The following BLTP1 variants were observed in gnomAD, a reference collection of about 807,000 sequenced individuals.
BLTP1 encodes fragile site-associated protein.
the BLTP1 span, among the ~76,000 whole-genome samples, chr4:122,334,013 G>A: frequency 6.6e-6 from 1 of 152,032 alleles, no homozygotes; most frequent in East Asian, 1.9e-4. Context: ...AAGTTTGATG[G>A]AAAGAAGTTC....
the BLTP1 span, chr4:122,356,602 T>C: frequency 6.2e-7 from 1 of 1,607,036 alleles, no homozygotes; most frequent in Non-Finnish European, 8.5e-7. Context: ...TTATTAAATC[T>C]TTTACCATAT....
chr4:122,253,290 G>A, the BLTP1 span, among the ~76,000 whole-genome samples: 1 of 151,948 alleles, frequency 6.6e-6, no homozygotes, highest in Non-Finnish European at 1.5e-5. Context: ...AGCAAACTAC[G>A]ACCTCACCAA....
chr4:122,287,717 T>C, the BLTP1 span: 2 of 985,110 alleles, frequency 2.0e-6, no homozygotes, highest in South Asian at 4.7e-5. Flanking sequence ...TTTACCTTCT[T>C]AGGTCCTGCT....
the BLTP1 span, among the ~76,000 whole-genome samples, chr4:122,216,137 A>ATCTATCTG: frequency 7.0e-6 from 1 of 143,206 alleles, no homozygotes; most frequent in African/African-American, 2.6e-5. Context: ...CTATCTATCT[A>ATCTATCTG]TCTATCTACC....
chr4:122,177,984 C>T, the BLTP1 span: 1 of 344,130 alleles, frequency 2.9e-6, no homozygotes, highest in Non-Finnish European at 4.1e-6. Flanking sequence ...TTGTTCTGTA[C>T]TGTATACTTG....
the BLTP1 span, chr4:122,224,882 T>G: frequency 6.8e-7 from 1 of 1,460,496 alleles, no homozygotes; most frequent in African/African-American, 1.4e-5. Context: ...TATAATTTGT[T>G]GGGTGTAATG....
At chr4:122,179,396 A>C in the BLTP1 span, among the ~76,000 whole-genome samples, 1 of 152,176 alleles carries the variant, frequency 6.6e-6, no homozygotes, top group Non-Finnish European at 1.5e-5. Flanking sequence ...GTTCACCTGC[A>C]TTAATAATAT....
chr4:122,242,021 T>G, the BLTP1 span, among the ~76,000 whole-genome samples: 1 of 152,158 alleles, frequency 6.6e-6, no homozygotes, highest in African/African-American at 2.4e-5. Flanking sequence ...TTGTGCGCTG[T>G]TGGTGGAAAT....
the BLTP1 span, among the ~76,000 whole-genome samples, chr4:122,173,692 C>G: frequency 5.3e-5 from 8 of 152,276 alleles, 1 homozygote; most frequent in East Asian, 1.5e-3. Context: ...TGGAATTTCT[C>G]TCACACAGCA....
At chr4:122,255,533 C>T in the BLTP1 span, among the ~76,000 whole-genome samples, 1 of 152,142 alleles carries the variant, frequency 6.6e-6, no homozygotes, top group Non-Finnish European at 1.5e-5. Context: ...GTAATCCCAG[C>T]TACTTGGGAG....
the BLTP1 span, among the ~76,000 whole-genome samples, chr4:122,354,521 T>C: frequency 5.3e-5 from 8 of 151,842 alleles, no homozygotes; most frequent in Admixed American, 5.3e-4. Context: ...TGTGATAGTG[T>C]GGTCATGATA....
At chr4:122,314,948 CTT>C in the BLTP1 span, among the ~76,000 whole-genome samples, 1,101 of 152,270 alleles carry the variant, frequency 7.2e-3, 9 homozygotes, top group South Asian at 0.03. Flanking sequence ...CACCAAGACT[CTT>C]TGTAGCTCTT....
the BLTP1 span, among the ~76,000 whole-genome samples, chr4:122,356,299 T>C: frequency 3.3e-5 from 5 of 152,164 alleles, no homozygotes; most frequent in African/African-American, 1.2e-4. Flanking sequence ...CCAAAATATT[T>C]TGAACACTGA....
At chr4:122,277,429 G>A in the BLTP1 span, 1 of 981,486 alleles carries the variant, frequency 1.0e-6, no homozygotes, top group Non-Finnish European at 1.2e-6. Context: ...TATCCTATCT[G>A]TGGAATTCCA....
chr4:122,240,601 G>A, the BLTP1 span, among the ~76,000 whole-genome samples: 2 of 152,122 alleles, frequency 1.3e-5, no homozygotes, highest in African/African-American at 4.8e-5. Flanking sequence ...TTCTGTGTCT[G>A]CATTATACTC....
chr4:122,180,295 A>G, the BLTP1 span, among the ~76,000 whole-genome samples: 2 of 152,204 alleles, frequency 1.3e-5, no homozygotes, highest in Non-Finnish European at 2.9e-5. Flanking sequence ...TTGCTGTACA[A>G]AATAAATACT....
At chr4:122,201,145 T>A in the BLTP1 span, 1 of 1,576,156 alleles carries the variant, frequency 6.3e-7, no homozygotes, top group Non-Finnish European at 8.6e-7. Context: ...CTAATAGATA[T>A]AAATACAGTG....
the BLTP1 span, chr4:122,246,630 G>C: frequency 1.3e-6 from 2 of 1,576,918 alleles, no homozygotes; most frequent in East Asian, 4.5e-5. Flanking sequence ...CATATTTTAT[G>C]TTTAAGTGGT....
chr4:122,346,547 C>A, the BLTP1 span: 7 of 1,517,822 alleles, frequency 4.6e-6, no homozygotes, highest in Non-Finnish European at 6.2e-6. Context: ...TGTGTAATAA[C>A]CCTGTCTTAT....
Sources: allele counts gnomAD v4.1 joint callset (sites outside exome capture counted in the v4.1 genomes callset), GRCh38; gene constraint gnomAD v4.1.1; transcripts MANE v1.5; gene names NCBI Gene and HGNC (gene_info 2026-07-23, HGNC 2026-07-21).